Variants in GALNT11 observed in about 807,000 individuals in gnomAD.
GALNT11 encodes UDP-GalNAc:polypeptide N-acetylgalactosaminyltransferase 11.
A neutral mutation model predicts 72.7 loss-of-function variants in GALNT11; 47 were observed. The observed-to-expected ratio is 0.65, with a 90% CI of 0.51 to 0.82. The LOEUF is 0.82. Ranked by LOEUF, GALNT11 falls within the 40% of genes least tolerant of loss-of-function variation. The probability of loss-of-function intolerance (pLI) is 0.00; values close to 1 mark genes in which losing one functional copy is unlikely to be tolerated. For synonymous variants in GALNT11, 270 were observed against 286.6 expected (o/e 0.94, Z 0.58); for missense variants, 677 against 778.4 (o/e 0.87, Z 1.55).
At position 152,030,266 on chromosome 7, in the gene GALNT11, G is replaced by A. The variant is rs141267622; in HGVS notation, c.-39+4382G>A. Among the ~76,000 whole-genome samples the A allele has an allele frequency of 2.1e-3, 317 of 152,186 alleles. 1 individual carries two copies. Among genetic ancestry groups the A allele is most frequent in the African/African-American group, 7.2e-3 (299 of 41,518 alleles). On this transcript the variant is annotated intron_variant, in intron 1 of 11. Transcript: ENST00000430044. Reference sequence around the variant, plus strand: ...TGATGCTACCGCTAGATCACGGGACGCTGGTGTTACCACTAGACCAAGGAG... The same window carrying A: ...TGATGCTACCGCTAGATCACGGGACACTGGTGTTACCACTAGACCAAGGAG...
At chr7:152,051,085 G>T (rs1158009173) in intron 1 of GALNT11, among the ~76,000 whole-genome samples, 1 of 151,316 alleles carries the variant, frequency 6.6e-6, no homozygotes, top group Non-Finnish European at 1.5e-5. Context: ...CTGATTTTTA[G>T]TTCTTATGAA....
intron 1 of GALNT11, among the ~76,000 whole-genome samples, chr7:152,036,507 G>A (rs1012428319): frequency 2.6e-5 from 4 of 152,116 alleles, no homozygotes; most frequent in Non-Finnish European, 5.9e-5. Flanking sequence ...GGACATTTAG[G>A]TTGCTTCCAT....
intron 1 of GALNT11, among the ~76,000 whole-genome samples, chr7:152,087,084 A>G (rs2085696197): frequency 1.3e-5 from 2 of 152,186 alleles, no homozygotes; most frequent in African/African-American, 2.4e-5. Flanking sequence ...ACGCATTATT[A>G]TAATCTCCAG....
Position 152,094,171 on chromosome 7 carries a change from A to G in GALNT11, c.-38-19A>G, listed in dbSNP as rs551851337. On this transcript the variant is annotated intron_variant, in intron 1 of 11. Transcript: ENST00000430044. This position sits in a 1 kb window ranked among gnomAD's most constrained non-coding sequence, Gnocchi z 4.3. Reference sequence around the variant, plus strand: ...TAAAGTATACTGAAGTGTCTAACATATTTATTCTTCTTTTTTAGGAAATTG... The same window carrying G: ...TAAAGTATACTGAAGTGTCTAACATGTTTATTCTTCTTTTTTAGGAAATTG... 1.2e-5 allele frequency: 19 copies of G among 1,521,360 alleles called. No individual in the cohort carries two copies. The highest frequency in any genetic ancestry group is 1.5e-5 in the Non-Finnish European group (17 of 1,133,786). The allele number at this position is 1,521,360 out of a possible 1,614,324, so 94.2% of individuals were successfully genotyped here.
intron 1 of GALNT11, among the ~76,000 whole-genome samples, chr7:152,061,164 T>C (rs2083991602): frequency 6.6e-6 from 1 of 152,208 alleles, no homozygotes; most frequent in Admixed American, 6.5e-5. Context: ...ATGATCGCCA[T>C]TCTAATTGGT....
At chr7:152,030,026 G>A (rs2082229917) in intron 1 of GALNT11, among the ~76,000 whole-genome samples, 1 of 152,230 alleles carries the variant, frequency 6.6e-6, no homozygotes, top group Non-Finnish European at 1.5e-5. Flanking sequence ...TAACTTTACT[G>A]TGGCTTTTAA....
chr7:152,121,476 C>T (rs1004622162), intron 11 of GALNT11, 70 bp from the exon 12 acceptor site: 2 of 1,553,304 alleles, frequency 1.3e-6, no homozygotes, highest in African/African-American at 1.4e-5. Flanking sequence ...TTAAGTGCTC[C>T]ATCTCTCCTC....
chr7:152,121,845 G>A lies in GALNT11; in HGVS notation c.*168G>A. The stretch of plus-strand genomic sequence containing the variant: ...GTGTTAGCAGAGGTGACACGTGTCT[G>A]ACAGAGACGGGAGCTCTGAGTGTCC... On this transcript the variant is annotated 3_prime_UTR_variant, in exon 12 of 12. Coordinates refer to ENST00000430044, the MANE Select transcript of GALNT11 (RefSeq NM_022087.4). 1.3e-6 allele frequency: 1 copy of A among 759,498 alleles called. No homozygotes were observed. Among genetic ancestry groups the A allele is most frequent in the Non-Finnish European group, 2.0e-6 (1 of 495,710 alleles). The allele number at this position is 759,498 out of a possible 1,614,324, so 47.0% of individuals were successfully genotyped here.
intron 2 of GALNT11, among the ~76,000 whole-genome samples, chr7:152,096,072 G>C (rs985065836): frequency 3.3e-5 from 5 of 152,192 alleles, no homozygotes; most frequent in Admixed American, 3.3e-4. Context: ...CCAAGGAGCT[G>C]CAAGATTTGT....
intron 1 of GALNT11, among the ~76,000 whole-genome samples, chr7:152,028,619 ACAGAGTAGTTCTC>A (rs1187016310): frequency 2.0e-5 from 3 of 152,122 alleles, no homozygotes; most frequent in African/African-American, 7.2e-5. Context: ...AATCCTTTAG[ACAGAGTAGTTCTC>A]CAAGTCCCCA....
At chr7:152,028,321 A>G (rs2082135720) in intron 1 of GALNT11, among the ~76,000 whole-genome samples, 2 of 152,182 alleles carry the variant, frequency 1.3e-5, no homozygotes, top group Admixed American at 6.5e-5. Flanking sequence ...TCTGTTTTAC[A>G]GAGTGCTAAT....
chr7:152,058,636 A>G (rs2083827933), intron 1 of GALNT11, among the ~76,000 whole-genome samples: 1 of 152,140 alleles, frequency 6.6e-6, no homozygotes, highest in African/African-American at 2.4e-5. Flanking sequence ...GTGCCTGGCC[A>G]AGTTCTTAAA....
At chr7:152,109,126 T>C (rs1334597220) in intron 6 of GALNT11, among the ~76,000 whole-genome samples, 3 of 152,270 alleles carry the variant, frequency 2.0e-5, no homozygotes, top group Non-Finnish European at 2.9e-5. Flanking sequence ...CGCTTTATGT[T>C]ACCCTGTTCT....
intron 1 of GALNT11, among the ~76,000 whole-genome samples, chr7:152,090,415 C>G (rs2085934956): frequency 6.6e-6 from 1 of 152,112 alleles, no homozygotes; most frequent in Non-Finnish European, 1.5e-5. Flanking sequence ...GTCATGTTTT[C>G]TAATATAGGC....
chr7:152,046,414 G>T (rs1286567665), intron 1 of GALNT11, among the ~76,000 whole-genome samples: 1 of 152,132 alleles, frequency 6.6e-6, no homozygotes, highest in Non-Finnish European at 1.5e-5. Flanking sequence ...GGAGTCTTCA[G>T]TTATTGTATT....
intron 1 of GALNT11, among the ~76,000 whole-genome samples, chr7:152,065,078 T>C (rs1431667715): frequency 6.6e-6 from 1 of 152,228 alleles, no homozygotes; most frequent in African/African-American, 2.4e-5. Flanking sequence ...TCCCCGTCAC[T>C]TTCAGGCACA....
chr7:152,091,677 C>T (rs1309557545), intron 1 of GALNT11, among the ~76,000 whole-genome samples: 3 of 152,110 alleles, frequency 2.0e-5, no homozygotes, highest in Non-Finnish European at 4.4e-5. Context: ...CGCCCCCAGC[C>T]GGAGAGGAAA....
At chr7:152,043,987 C>T (rs1021424747) in intron 1 of GALNT11, among the ~76,000 whole-genome samples, 1 of 152,172 alleles carries the variant, frequency 6.6e-6, no homozygotes, top group Non-Finnish European at 1.5e-5. Context: ...CCACATTCTC[C>T]AACTGTTGCT....
chr7:152,031,914 G>A (rs990341817), intron 1 of GALNT11, among the ~76,000 whole-genome samples: 21 of 152,138 alleles, frequency 1.4e-4, no homozygotes, highest in Admixed American at 1.2e-3. Flanking sequence ...GCGGTGATTT[G>A]AAGGAACCCC....
Sources: allele counts gnomAD v4.1 joint callset (sites outside exome capture counted in the v4.1 genomes callset), GRCh38; gene constraint gnomAD v4.1.1; non-coding constraint Gnocchi (gnomAD v3.1); transcripts MANE v1.5; gene names NCBI Gene and HGNC (gene_info 2026-07-23, HGNC 2026-07-21).